GXYLT2: variants seen among roughly 807,000 people sequenced by gnomAD.
GXYLT2 encodes the protein glucoside xylosyltransferase 2.
A neutral mutation model predicts 45.8 loss-of-function variants in GXYLT2; 53 were observed. That is an observed-to-expected ratio of 1.16 (90% CI 0.93 to 1.46). The LOEUF (loss-of-function observed/expected upper bound fraction) is 1.46, where lower values mean the gene tolerates loss of function less well. Ranked by LOEUF, GXYLT2 falls within the 40% of genes most tolerant of loss-of-function variation. The probability of loss-of-function intolerance (pLI) is 0.00; values close to 1 mark genes in which losing one functional copy is unlikely to be tolerated. For synonymous variants in GXYLT2, 219 were observed against 214.2 expected (o/e 1.02, Z -0.19); for missense variants, 551 against 544.4 (o/e 1.01, Z -0.12).
chr3:72,912,013 A>ATATATATTTTTTTT (rs1156864738), intron 2 of GXYLT2, among the ~76,000 whole-genome samples: 1 of 114,924 alleles, frequency 8.7e-6, no homozygotes, highest in African/African-American at 4.0e-5. Context: ...ATATATATAT[A>ATATATATTTTTTTT]TTTTTTTTTT....
intron 2 of GXYLT2, among the ~76,000 whole-genome samples, chr3:72,921,970 C>G (rs1470657256): frequency 1.3e-5 from 2 of 152,130 alleles, no homozygotes; most frequent in Non-Finnish European, 2.9e-5. Context: ...ATCTATACTC[C>G]CCTCTGCAGT....
In GXYLT2 at chr3:72,975,464, C is replaced by G. The variant is rs1711081841; in HGVS notation, c.*305C>G. ...TGTGAGCCTTCTAATTCCTAAACGTCTGAGACCATTTCAGTGGCACCTGAG... is the reference window on the plus strand; with the variant it reads ...TGTGAGCCTTCTAATTCCTAAACGTGTGAGACCATTTCAGTGGCACCTGAG... On this transcript the variant is annotated 3_prime_UTR_variant, in exon 7 of 7. Coordinates refer to ENST00000389617, the MANE Select transcript of GXYLT2 (RefSeq NM_001080393.2). 4.4e-6 allele frequency: 1 copy of G among 229,732 alleles called. No homozygotes were observed. The highest frequency in any genetic ancestry group is 5.6e-5 in the Admixed American group (1 of 17,902). 14.2% of individuals were successfully genotyped at this position (229,732 alleles called of 1,614,324 possible). A position where few individuals can be genotyped will look rare whatever the true frequency, so the allele number is the denominator to read the frequency against.
intron 2 of GXYLT2, among the ~76,000 whole-genome samples, chr3:72,914,925 C>T (rs1709706200): frequency 6.6e-6 from 1 of 152,136 alleles, no homozygotes. Context: ...GTGGCTCACA[C>T]CTGTAATCCC....
intron 5 of GXYLT2, among the ~76,000 whole-genome samples, chr3:72,964,554 C>A (rs919545428): frequency 2.0e-5 from 3 of 151,768 alleles, no homozygotes; most frequent in African/African-American, 7.3e-5. Flanking sequence ...AACTCCTGAC[C>A]TCGTGATCCG....
chr3:72,920,476 G>T (rs962000366), intron 2 of GXYLT2, among the ~76,000 whole-genome samples: 1 of 151,738 alleles, frequency 6.6e-6, no homozygotes. Flanking sequence ...GTTATACTGC[G>T]CTGGCTGGTC....
At chr3:72,928,580 A>G (rs1709961627) in intron 3 of GXYLT2, among the ~76,000 whole-genome samples, 2 of 152,210 alleles carry the variant, frequency 1.3e-5, no homozygotes, top group Non-Finnish European at 2.9e-5. Context: ...TTCTTAATTA[A>G]GAGGAGGCTT....
At chr3:72,889,194 A>G (rs1345273319) in intron 1 of GXYLT2, among the ~76,000 whole-genome samples, 3 of 152,174 alleles carry the variant, frequency 2.0e-5, no homozygotes, top group Admixed American at 1.3e-4. Flanking sequence ...GAGGCTTTTC[A>G]TCAGAGAGCT....
chr3:72,936,950 C>G (rs146441900), intron 3 of GXYLT2, among the ~76,000 whole-genome samples: 2,322 of 152,258 alleles, frequency 0.015, 30 homozygotes, highest in South Asian at 0.039. Context: ...TTTAGACACA[C>G]AGAGGTATAT....
At chr3:72,936,192 T>C (rs562870048) in intron 3 of GXYLT2, among the ~76,000 whole-genome samples, 1 of 151,058 alleles carries the variant, frequency 6.6e-6, no homozygotes, top group Admixed American at 6.6e-5. Context: ...TTCCCGAGGC[T>C]GAGGCAGGAG....
chr3:72,899,698 T>A (rs1443952467), intron 1 of GXYLT2, among the ~76,000 whole-genome samples: 2 of 152,176 alleles, frequency 1.3e-5, no homozygotes, highest in African/African-American at 2.4e-5. Flanking sequence ...AGGGGCCATA[T>A]CAAGGTGTTG....
At chr3:72,902,667 C>A (rs1709429879) in intron 1 of GXYLT2, among the ~76,000 whole-genome samples, 1 of 151,910 alleles carries the variant, frequency 6.6e-6, no homozygotes, top group African/African-American at 2.4e-5. Context: ...CCCATCTCTA[C>A]CAAAATAAAT....
intron 6 of GXYLT2, among the ~76,000 whole-genome samples, chr3:72,970,369 A>G (rs1473640543): frequency 6.6e-6 from 1 of 151,428 alleles, no homozygotes; most frequent in Admixed American, 6.6e-5. Context: ...CAATTAATTA[A>G]TTAATTAAAT....
chr3:72,939,258 C>T (rs1575802067), intron 3 of GXYLT2, among the ~76,000 whole-genome samples: 1 of 152,036 alleles, frequency 6.6e-6, no homozygotes, highest in African/African-American at 2.4e-5. Flanking sequence ...ACCAGCCTGG[C>T]CAACATGGTG....
intron 5 of GXYLT2, among the ~76,000 whole-genome samples, chr3:72,965,409 A>G (rs1006723268): frequency 5.3e-5 from 8 of 152,230 alleles, no homozygotes; most frequent in East Asian, 1.9e-4. Flanking sequence ...TGCTTTTCCA[A>G]TGGTGGTGGT....
chr3:72,936,300 G>GAAAAAAAAAAA (rs796602781), intron 3 of GXYLT2, among the ~76,000 whole-genome samples: 1 of 72,396 alleles, frequency 1.4e-5, no homozygotes, highest in Non-Finnish European at 3.3e-5. Context: ...TCAAAAAAAA[G>GAAAAAAAAAAA]AAAAAAAAAA....
rs976168088 is a variant in GXYLT2, at chr3:72,896,791, A to C, written c.275+8283A>C. On this transcript the variant is annotated intron_variant, in intron 1 of 6. Coordinates refer to ENST00000389617, the MANE Select transcript of GXYLT2 (RefSeq NM_001080393.2). ...CTTGAACCCGGGAGGCAGAGGTTGC[A>C]GTGAGCCGAGATAGCGCCACTGCAC... 1.5e-4 allele frequency among the ~76,000 whole-genome samples: 23 copies of C among 152,192 alleles called. No homozygotes were observed. The Middle Eastern group carries it at 0.01, about 68-fold the overall frequency.
chr3:72,936,675 AC>A (rs772057154), intron 3 of GXYLT2, among the ~76,000 whole-genome samples: 30 of 146,136 alleles, frequency 2.1e-4, no homozygotes, highest in East Asian at 1.6e-3. Context: ...ACAAAAAAAA[AC>A]CGAAACAAAT....
At position 72,955,240 on chromosome 3, in the gene GXYLT2, A is replaced by C. The variant is rs752790818; in HGVS notation, c.743A>C (p.Lys248Thr). 4.3e-6 allele frequency: 7 copies of C among 1,614,026 alleles called. No homozygotes were observed. The highest frequency in any genetic ancestry group is 4.5e-5 in the East Asian group (2 of 44,888). Reference sequence around the variant, plus strand: ...ATGGCCCCTGAGCACGAAATCCCCAAGATTGGCTGGTACAGCCGCTTTGCT... The same window carrying C: ...ATGGCCCCTGAGCACGAAATCCCCACGATTGGCTGGTACAGCCGCTTTGCT... ...AAMAPEHEIP[K>T]IGWYSRFARH... is the part of the protein sequence containing the mutation. The change falls in exon 4 of 7, where the codon AAG (lysine) becomes ACG (threonine). Residue 248 changes from lysine (K) to threonine (T), a missense_variant. By Grantham distance (78) the Lys-to-Thr change is moderately conservative. Transcript: ENST00000389617.
chr3:72,972,678 TGG>T (rs1277980248), intron 6 of GXYLT2, among the ~76,000 whole-genome samples: 2 of 115,780 alleles, frequency 1.7e-5, no homozygotes, highest in Non-Finnish European at 3.6e-5. Flanking sequence ...TATATTCTGG[TGG>T]GGGAAGCCAG....
Sources: allele counts gnomAD v4.1 joint callset (sites outside exome capture counted in the v4.1 genomes callset), GRCh38; gene constraint gnomAD v4.1.1; transcripts MANE v1.5; gene names NCBI Gene and HGNC (gene_info 2026-07-23, HGNC 2026-07-21).